The following PRXL2A variants were observed in gnomAD, a reference collection of about 807,000 sequenced individuals.
PRXL2A encodes peroxiredoxin like 2A.
A neutral mutation model predicts 25.6 loss-of-function variants in PRXL2A; 26 were observed. The ratio of observed to expected loss-of-function variants is 1.02; its 90% CI spans 0.74 to 1.41. The LOEUF is 1.41. Ranked by LOEUF, PRXL2A falls within the 40% of genes most tolerant of loss-of-function variation. The pLI is 0.00. For missense variants in PRXL2A, 246 were observed against 273.9 expected (o/e 0.90, Z 0.72); for synonymous variants, 98 against 102.9 (o/e 0.95, Z 0.29).
chr10:80,412,669 T>G, intron 1 of PRXL2A, among the ~76,000 whole-genome samples: 1 of 152,102 alleles, frequency 6.6e-6, no homozygotes, highest in East Asian at 1.9e-4. Context: ...CAGGAAAGGC[T>G]TTGGAGAGGA....
At chr10:80,430,993 G>A (rs1418625280) in intron 5 of PRXL2A, among the ~76,000 whole-genome samples, 1 of 152,040 alleles carries the variant, frequency 6.6e-6, no homozygotes, top group Admixed American at 6.6e-5. Flanking sequence ...AGCCTCCCAG[G>A]TTCAAGGGAT....
At chr10:80,414,885 G>A (rs778873332) in intron 1 of PRXL2A, among the ~76,000 whole-genome samples, 1 of 152,344 alleles carries the variant, frequency 6.6e-6, no homozygotes, top group Middle Eastern at 3.4e-3. Flanking sequence ...AGACCCATGT[G>A]AAAATGCATC....
At chr10:80,414,887 A>G (rs7900931) in intron 1 of PRXL2A, among the ~76,000 whole-genome samples, 13,821 of 152,242 alleles carry the variant, frequency 0.091, 876 homozygotes, top group African/African-American at 0.17. Flanking sequence ...ACCCATGTGA[A>G]AATGCATCAT....
At chr10:80,431,058 T>C (rs1345076847) in intron 5 of PRXL2A, among the ~76,000 whole-genome samples, 1 of 152,056 alleles carries the variant, frequency 6.6e-6, no homozygotes, top group East Asian at 1.9e-4. Flanking sequence ...CTACCGTACC[T>C]GGCTAATTTT....
chr10:80,418,966 T>C (rs1292163175), intron 1 of PRXL2A, among the ~76,000 whole-genome samples: 1 of 152,132 alleles, frequency 6.6e-6, no homozygotes, highest in Admixed American at 6.5e-5. Context: ...GCAGATGCCA[T>C]AGGACCTCCT....
At chr10:80,413,889 T>C in intron 1 of PRXL2A, 2 of 1,240,032 alleles carry the variant, frequency 1.6e-6, no homozygotes, top group Non-Finnish European at 2.1e-6. Flanking sequence ...GAGTGCCTTG[T>C]TCCCAAGTTT....
intron 1 of PRXL2A, among the ~76,000 whole-genome samples, chr10:80,415,459 G>A (rs1008271010): frequency 6.6e-6 from 1 of 152,172 alleles, no homozygotes; most frequent in Non-Finnish European, 1.5e-5. Context: ...AGCTTAGCTG[G>A]CCCCATCCCA....
At position 80,432,149 on chromosome 10, in the gene PRXL2A, T is replaced by A. The variant is rs1487943430; in HGVS notation, c.*50T>A. Reference sequence around the variant, plus strand: ...GATAACCAGGGACATTCACCTGTGTTCATGGGATGTATTGTTTCCACTCGT... The same window carrying A: ...GATAACCAGGGACATTCACCTGTGTACATGGGATGTATTGTTTCCACTCGT... On this transcript the variant is annotated 3_prime_UTR_variant, in exon 6 of 6. Coordinates refer to ENST00000606162, the MANE Select transcript of PRXL2A (RefSeq NM_032333.5). The A allele has an allele frequency of 5.4e-6, 6 of 1,106,998 alleles. No homozygotes were observed. Among genetic ancestry groups the A allele is most frequent in the Non-Finnish European group, 8.2e-6 (6 of 735,592 alleles). 68.6% of individuals were successfully genotyped at this position (1,106,998 alleles called of 1,614,324 possible).
Position 80,426,006 on chromosome 10 carries a change from G to A in PRXL2A, c.411G>A (p.Lys137=), listed in dbSNP as rs746524695. 5.0e-6 allele frequency: 8 copies of A among 1,614,096 alleles called. No individual in the cohort carries two copies. In the Admixed American group the frequency reaches 6.7e-5, roughly 13 times the overall value. The change falls in exon 4 of 6, where the codon AAG becomes AAA. Residue 137 remains lysine, a splice_region_variant and synonymous_variant. Transcript: ENST00000606162. ...AAGGAGAAATCTTCCTGGATGAAAA[G>A]GTGTGTGTGATGGGAGGCTTTTAGA... ...YFKGEIFLDE[K]KKFYGPQRRK...
At chr10:80,412,164 G>A (rs1342665542) in intron 1 of PRXL2A, among the ~76,000 whole-genome samples, 1 of 152,140 alleles carries the variant, frequency 6.6e-6, no homozygotes, top group African/African-American at 2.4e-5. Context: ...TCAGAGCTAA[G>A]ACAACCTCAT....
In PRXL2A at chr10:80,420,536, G is replaced by A; in HGVS notation, c.69G>A (p.Gly23=). 6.2e-7 allele frequency: 1 copy of A among 1,613,908 alleles called. No individual in the cohort carries two copies. Among genetic ancestry groups the A allele is most frequent in the Non-Finnish European group, 8.5e-7 (1 of 1,179,920 alleles). Residue 23 remains glycine, a synonymous_variant, in exon 2 of 6, where the codon GGG becomes GGA. Transcript: ENST00000606162. ...GMWSIGAGAL[G]AAALALLLAN... ...GGTCCATTGGTGCAGGAGCCCTGGG[G>A]GCTGCTGCCTTGGCATTGCTGCTTG...
chr10:80,421,679 G>A (rs1417785545), intron 2 of PRXL2A, among the ~76,000 whole-genome samples: 4 of 150,892 alleles, frequency 2.7e-5, no homozygotes, highest in Non-Finnish European at 4.4e-5. Flanking sequence ...TAACATCTAC[G>A]GGAACATGGA....
At chr10:80,418,264 G>A (rs1564690048) in intron 1 of PRXL2A, among the ~76,000 whole-genome samples, 1 of 152,054 alleles carries the variant, frequency 6.6e-6, no homozygotes, top group African/African-American at 2.4e-5. Context: ...ATGAGAACAC[G>A]TGGTATTTGA....
At position 80,427,912 on chromosome 10, in the gene PRXL2A, T is replaced by A. The variant is rs186190817; in HGVS notation, c.576+416T>A. Among the ~76,000 whole-genome samples, 10 of 152,300 alleles carry A rather than the reference T, an allele frequency of 6.6e-5. No individual in the cohort carries two copies. In the East Asian group the frequency reaches 1.9e-3, roughly 29 times the overall value. On this transcript the variant is annotated intron_variant, in intron 5 of 5. Coordinates refer to ENST00000606162, the MANE Select transcript of PRXL2A (RefSeq NM_032333.5). ...GAACCCAGGTTTGCTGACTTTAAGT[T>A]TTGTTTTCTGTGCTTGAACAAAAGC...
At chr10:80,426,105 G>C in intron 4 of PRXL2A, 99 bp downstream of exon 4, 1 of 1,479,894 alleles carries the variant, frequency 6.8e-7, no homozygotes, top group Non-Finnish European at 9.3e-7. Flanking sequence ...GGAGCTGGAG[G>C]CTGGCCTTCC....
chr10:80,427,350 C>T lies in PRXL2A; in HGVS notation c.430C>T (p.Gln144Ter). The change falls in exon 5 of 6, where the codon CAA becomes TAA. Residue 144 changes from glutamine (Q) to a stop codon, truncating the protein, a stop_gained. Coordinates refer to ENST00000606162, the MANE Select transcript of PRXL2A (RefSeq NM_032333.5). LOFTEE classifies it high-confidence loss of function. Reference sequence around the variant, plus strand: ...TCCATAGAAAAAGTTCTATGGTCCACAAAGGCGGAAGATGATGTTTATGGG... The same window carrying T: ...TCCATAGAAAAAGTTCTATGGTCCATAAAGGCGGAAGATGATGTTTATGGG... ...LDEKKKFYGP[Q>*]RRKMMFMGFI... 1 of 1,614,020 alleles carries T rather than the reference C, an allele frequency of 6.2e-7. No homozygotes were observed. Among genetic ancestry groups the T allele is most frequent in the Non-Finnish European group, 8.5e-7 (1 of 1,179,984 alleles).
chr10:80,431,324 A>G (rs1845251839), intron 5 of PRXL2A, among the ~76,000 whole-genome samples: 1 of 151,090 alleles, frequency 6.6e-6, no homozygotes, highest in Admixed American at 6.6e-5. Context: ...ATAAATAATG[A>G]CACAGTGTAT....
At chr10:80,412,722 G>T (rs537063610) in intron 1 of PRXL2A, among the ~76,000 whole-genome samples, 1 of 152,158 alleles carries the variant, frequency 6.6e-6, no homozygotes, top group Non-Finnish European at 1.5e-5. Flanking sequence ...AGGCATTTAC[G>T]TGGTTGGCCT....
Position 80,432,807 on chromosome 10 carries a change from A to G in PRXL2A, c.*708A>G, listed in dbSNP as rs1299575566. On this transcript the variant is annotated 3_prime_UTR_variant, in exon 6 of 6. Transcript: ENST00000606162. Reference sequence around the variant, plus strand: ...AGGTTTTTTGGCATGTGTGTTTTCTATTAATAATTGGTTATATGATGTCAA... The same window carrying G: ...AGGTTTTTTGGCATGTGTGTTTTCTGTTAATAATTGGTTATATGATGTCAA... 6.6e-6 allele frequency: 1 copy of G among 152,132 alleles called. No homozygotes were observed. The allele number at this position is 152,132 out of a possible 1,614,324, so 9.4% of individuals were successfully genotyped here. A position where few individuals can be genotyped will look rare whatever the true frequency, so the allele number is the denominator to read the frequency against.
Sources: allele counts gnomAD v4.1 joint callset (sites outside exome capture counted in the v4.1 genomes callset), GRCh38; gene constraint gnomAD v4.1.1; transcripts MANE v1.5; gene names NCBI Gene and HGNC (gene_info 2026-07-23, HGNC 2026-07-21).